The following HPSE2 variants were observed in gnomAD, a reference collection of about 807,000 sequenced individuals.
HPSE2 encodes the protein inactive heparanase-2.
A neutral mutation model predicts 60.5 loss-of-function variants in HPSE2; 38 were observed. The ratio of observed to expected loss-of-function variants is 0.63; its 90% confidence interval spans 0.48 to 0.82. The LOEUF is 0.82. Among genes scored for constraint, HPSE2 ranks in the 40% least tolerant of loss-of-function variants. The pLI is 0.00. For missense variants in HPSE2, 713 were observed against 740.4 expected, an observed-to-expected ratio of 0.96 and a Z score of 0.43; for synonymous variants, 295 against 293.2, an observed-to-expected ratio of 1.01 and a Z score of -0.06.
intron 3 of HPSE2, among the ~76,000 whole-genome samples, chr10:98,778,264 C>CAGAGAGAGGGAGAG (rs1950385287): frequency 8.9e-6 from 1 of 112,654 alleles, no homozygotes; most frequent in Non-Finnish European, 1.8e-5. Flanking sequence ...GAGAGAGAGA[C>CAGAGAGAGGGAGAG]AGAGAGAGAG....
At chr10:99,064,630 G>A (rs984784179) in intron 3 of HPSE2, among the ~76,000 whole-genome samples, 34 of 148,370 alleles carry the variant, frequency 2.3e-4, no homozygotes, top group African/African-American at 7.7e-4. Flanking sequence ...TATATCTCCC[G>A]TAATTTTCCC....
intron 5 of HPSE2, among the ~76,000 whole-genome samples, chr10:98,696,463 A>G (rs1257619187): frequency 1.3e-5 from 2 of 152,072 alleles, no homozygotes. Flanking sequence ...CAGGGCAGGG[A>G]AGCCCCGATC....
chr10:98,859,371 A>T (rs924095571), intron 3 of HPSE2, among the ~76,000 whole-genome samples: 3 of 152,194 alleles, frequency 2.0e-5, no homozygotes, highest in Admixed American at 6.5e-5. Flanking sequence ...CAAATAGCTG[A>T]TAAAACATTA....
chr10:98,948,254 A>T (rs980018982), intron 3 of HPSE2, among the ~76,000 whole-genome samples: 3 of 152,218 alleles, frequency 2.0e-5, no homozygotes, highest in Non-Finnish European at 4.4e-5. Context: ...AGGATTTATA[A>T]CAGAGCCAGT....
intron 3 of HPSE2, among the ~76,000 whole-genome samples, chr10:98,933,433 T>C (rs1954696889): frequency 6.9e-6 from 1 of 144,326 alleles, no homozygotes; most frequent in Admixed American, 6.9e-5. Context: ...TATTCTGTTG[T>C]TTTTGAGTGG....
At chr10:98,792,913 C>T (rs1193597066) in intron 3 of HPSE2, among the ~76,000 whole-genome samples, 2 of 152,168 alleles carry the variant, frequency 1.3e-5, no homozygotes, top group Admixed American at 1.3e-4. Context: ...AACGTTGTTA[C>T]TTAGGGCCTT....
intron 3 of HPSE2, among the ~76,000 whole-genome samples, chr10:99,117,824 C>G (rs1050565650): frequency 2.6e-5 from 4 of 152,088 alleles, no homozygotes; most frequent in Non-Finnish European, 5.9e-5. Flanking sequence ...TGAAACTATT[C>G]CAAAAAATTG....
At chr10:99,261,864 C>T in the HPSE2 span, among the ~76,000 whole-genome samples, 2 of 152,236 alleles carry the variant, frequency 1.3e-5, no homozygotes, top group African/African-American at 4.8e-5. Context: ...GATCTTGCTT[C>T]AAGTGCCAAA....
chr10:99,058,959 TTGC>T (rs1958173986), intron 3 of HPSE2, among the ~76,000 whole-genome samples: 3 of 152,206 alleles, frequency 2.0e-5, no homozygotes, highest in Non-Finnish European at 2.9e-5. Context: ...CTATTCAACT[TTGC>T]TGTTGTAGCA....
Position 98,721,949 on chromosome 10 carries a change from T to C in HPSE2, c.785-121A>G. 4 of 860,250 alleles carry C rather than the reference T, an allele frequency of 4.6e-6. 1 individual carries two copies. Among genetic ancestry groups the C allele is most frequent in the Non-Finnish European group, 7.4e-6 (4 of 542,310 alleles). The allele number at this position is 860,250 out of a possible 1,614,324, so 53.3% of individuals were successfully genotyped here. A position where few individuals can be genotyped will look rare whatever the true frequency, so the allele number is the denominator to read the frequency against. ...ATGAAAAAAAAAAACAATAAAAAAG[T>C]GGGTGTGAATTATTTTAACTTAAAG... On this transcript the variant is annotated intron_variant, in intron 4 of 11. Coordinates refer to ENST00000370552, the MANE Select transcript of HPSE2 (RefSeq NM_021828.5).
intron 9 of HPSE2, among the ~76,000 whole-genome samples, chr10:98,496,907 A>G (rs1215039711): frequency 1.3e-5 from 2 of 152,156 alleles, no homozygotes; most frequent in African/African-American, 2.4e-5. Context: ...AAAAAATTAT[A>G]GGAAAACACA....
chr10:98,481,454 T>G (rs536373956), intron 11 of HPSE2, among the ~76,000 whole-genome samples: 5 of 152,306 alleles, frequency 3.3e-5, no homozygotes, highest in Admixed American at 1.3e-4. Context: ...ACACTCATCA[T>G]GAACTACTCA....
At chr10:99,016,578 T>C (rs1837836973) in intron 3 of HPSE2, among the ~76,000 whole-genome samples, 1 of 152,200 alleles carries the variant, frequency 6.6e-6, no homozygotes, top group Admixed American at 6.5e-5. Context: ...ATGTCAATGG[T>C]AGTTTAATAG....
intron 3 of HPSE2, among the ~76,000 whole-genome samples, chr10:99,007,576 G>C (rs1272768173): frequency 6.6e-6 from 1 of 152,196 alleles, no homozygotes; most frequent in East Asian, 1.9e-4. Context: ...ACAATCACTG[G>C]AAAGTCATAT....
At chr10:98,538,484 C>A (rs1943358112) in intron 9 of HPSE2, among the ~76,000 whole-genome samples, 1 of 152,094 alleles carries the variant, frequency 6.6e-6, no homozygotes, top group African/African-American at 2.4e-5. Flanking sequence ...GCAAACAAGG[C>A]AGTTATTTAT....
At chr10:98,866,327 T>C (rs1321895204) in intron 3 of HPSE2, among the ~76,000 whole-genome samples, 1 of 151,900 alleles carries the variant, frequency 6.6e-6, no homozygotes, top group Non-Finnish European at 1.5e-5. Context: ...TGAAATCCAC[T>C]GAGAAAGAAG....
At chr10:99,011,049 CCTCT>C (rs1184414488) in intron 3 of HPSE2, among the ~76,000 whole-genome samples, 1 of 152,002 alleles carries the variant, frequency 6.6e-6, no homozygotes, top group African/African-American at 2.4e-5. Context: ...GTGTTGTGTT[CCTCT>C]CTATGTGTCC....
At chr10:98,545,140 T>G (rs980434613) in intron 9 of HPSE2, among the ~76,000 whole-genome samples, 4 of 151,974 alleles carry the variant, frequency 2.6e-5, no homozygotes, top group African/African-American at 9.7e-5. Flanking sequence ...AATAACAGGA[T>G]CTGAAATTGT....
At chr10:99,273,479 C>T in the HPSE2 span, among the ~76,000 whole-genome samples, 358 of 152,268 alleles carry the variant, frequency 2.4e-3, 1 homozygote, top group African/African-American at 8.1e-3. Context: ...AATTTTCCTT[C>T]TGCCTCTGCC....
Sources: gnomAD v4.1 joint callset for allele counts (sites outside exome capture counted in the v4.1 genomes callset) on GRCh38, gnomAD v4.1.1 for gene constraint, MANE v1.5 for transcripts, NCBI Gene and HGNC (gene_info 2026-07-23, HGNC 2026-07-21) for gene names.